The following EPHA7 variants were observed in gnomAD, a reference collection of about 807,000 sequenced individuals.
The protein encoded by EPHA7 is EPH receptor A7, also known as ephrin type-A receptor 7.
Under a neutral mutation model 112.6 loss-of-function variants are expected in EPHA7, and 25 were observed. The observed-to-expected ratio is 0.22, with a 90% CI of 0.16 to 0.31. The LOEUF (loss-of-function observed/expected upper bound fraction) is 0.31. Among genes scored for constraint, EPHA7 ranks in the 10% least tolerant of loss-of-function variants. The probability of loss-of-function intolerance (pLI) is 1.00; values close to 1 mark genes in which losing one functional copy is unlikely to be tolerated. For synonymous variants in EPHA7, 437 were observed against 406.5 expected (o/e 1.07, Z -0.90); for missense variants, 962 against 1,212.6 (o/e 0.79, Z 3.07).
At chr6:93,398,339 T>C (rs574148083) in intron 3 of EPHA7, among the ~76,000 whole-genome samples, 1 of 152,086 alleles carries the variant, frequency 6.6e-6, no homozygotes, top group Admixed American at 6.6e-5. Context: ...TCTGGAATTA[T>C]ACAAGTCACC....
At chr6:93,406,086 C>T (rs1018052395) in intron 3 of EPHA7, among the ~76,000 whole-genome samples, 6 of 150,208 alleles carry the variant, frequency 4.0e-5, no homozygotes, top group Non-Finnish European at 8.9e-5. Context: ...TTAACAGAAA[C>T]TATTAAAAAG....
At chr6:93,387,973 AGAT>A (rs1777711501) in intron 3 of EPHA7, among the ~76,000 whole-genome samples, 5 of 151,354 alleles carry the variant, frequency 3.3e-5, no homozygotes, top group South Asian at 4.2e-4. Flanking sequence ...ATAGATAGAT[AGAT>A]AGAATAGATA....
At chr6:93,361,209 C>T (rs566979258) in intron 3 of EPHA7, among the ~76,000 whole-genome samples, 3 of 152,022 alleles carry the variant, frequency 2.0e-5, no homozygotes, top group African/African-American at 7.2e-5. Context: ...AACATTTTTT[C>T]TTTGAAGTAA....
At chr6:93,299,328 A>AAAAATAAAAT (rs559885595) in intron 5 of EPHA7, among the ~76,000 whole-genome samples, 3 of 151,582 alleles carry the variant, frequency 2.0e-5, no homozygotes, top group Admixed American at 2.0e-4. Flanking sequence ...TCCGTCTCAA[A>AAAAATAAAAT]AAAATAAAAT....
In EPHA7 at chr6:93,411,091, T is replaced by C; in HGVS notation, c.242A>G (p.Gln81Arg). Residue 81 changes from glutamine to arginine, a missense_variant, in exon 3 of 17, where the codon CAA becomes CGA. By Grantham distance (43) the Gln-to-Arg change is conservative. This residue lies in a region of EPHA7 where 160 missense variants were observed against 263.6 expected (regional missense o/e 0.61). Transcript: ENST00000369303. Reference protein sequence around the residue: ...YQVCQVMEPNQNNWLRTNWIS... With the variant: ...YQVCQVMEPNRNNWLRTNWIS... ...CCAGTTAGTCCGCAGCCAGTTGTTT[T>C]GGTTGGGCTCCATGACTTGGCACAC... The C allele has an allele frequency of 1.2e-6, 2 of 1,613,892 alleles. No homozygotes were observed. Among genetic ancestry groups the C allele is most frequent in the Non-Finnish European group, 1.7e-6 (2 of 1,179,966 alleles).
intron 13 of EPHA7, among the ~76,000 whole-genome samples, chr6:93,255,557 T>C (rs538483747): frequency 6.6e-6 from 1 of 152,194 alleles, no homozygotes; most frequent in African/African-American, 2.4e-5. Context: ...TGAGTGCTAG[T>C]AGCTAGATGT....
intron 1 of EPHA7, 98 bp from the exon 2 acceptor site, chr6:93,414,865 T>C (rs1451023964): frequency 1.1e-6 from 1 of 904,430 alleles, no homozygotes; most frequent in Non-Finnish European, 1.7e-6. Context: ...TATCACTATA[T>C]GACTTAAGAT....
At chr6:93,346,132 G>A (rs778281168) in intron 5 of EPHA7, among the ~76,000 whole-genome samples, 1 of 151,520 alleles carries the variant, frequency 6.6e-6, no homozygotes, top group East Asian at 1.9e-4. Flanking sequence ...TTGGGATTGG[G>A]GGAAAACCTA....
chr6:93,340,017 C>G (rs1271211373), intron 5 of EPHA7, among the ~76,000 whole-genome samples: 2 of 151,636 alleles, frequency 1.3e-5, no homozygotes, highest in African/African-American at 4.8e-5. Flanking sequence ...TCTCATGATT[C>G]CTAGGTTCCA....
chr6:93,401,546 A>G (rs1188623453), intron 3 of EPHA7, among the ~76,000 whole-genome samples: 1 of 152,102 alleles, frequency 6.6e-6, no homozygotes, highest in African/African-American at 2.4e-5. Flanking sequence ...AATAACATCT[A>G]TAACTCATTA....
At chr6:93,257,413 G>A in intron 12 of EPHA7, 49 bp downstream of exon 12, 1 of 1,369,046 alleles carries the variant, frequency 7.3e-7, no homozygotes, top group South Asian at 1.3e-5. Context: ...AAATTATATT[G>A]GTAGCAAGCA....
At chr6:93,369,018 C>T (rs879451362) in intron 3 of EPHA7, among the ~76,000 whole-genome samples, 3 of 151,648 alleles carry the variant, frequency 2.0e-5, no homozygotes, top group East Asian at 1.9e-4. Context: ...TAAATGGATG[C>T]GTCAGGACAA....
intron 5 of EPHA7, among the ~76,000 whole-genome samples, chr6:93,295,979 T>A (rs1000671636): frequency 1.3e-5 from 2 of 151,866 alleles, no homozygotes; most frequent in Non-Finnish European, 2.9e-5. Flanking sequence ...TATATCATAT[T>A]CATATTTAAT....
chr6:93,373,158 A>G (rs1463067060), intron 3 of EPHA7, among the ~76,000 whole-genome samples: 1 of 151,918 alleles, frequency 6.6e-6, no homozygotes. Context: ...TTATAGTAAT[A>G]TATCTTTGGA....
rs150351784 is a variant in EPHA7, at chr6:93,362,291, A to G, written c.833-3880T>C. Among the ~76,000 whole-genome samples the G allele has an allele frequency of 2.6e-3, 394 of 152,192 alleles. 4 individuals carry two copies. The highest frequency in any genetic ancestry group is 9.1e-3 in the African/African-American group (380 of 41,564). On this transcript the variant is annotated intron_variant, in intron 3 of 16. Transcript: ENST00000369303. ...GAGTAATAGTATTATTTACTGCAAT[A>G]TATCTACTAAATTATATTACAACAC...
intron 5 of EPHA7, among the ~76,000 whole-genome samples, chr6:93,321,940 G>A (rs1447814004): frequency 1.3e-5 from 2 of 151,734 alleles, no homozygotes; most frequent in Non-Finnish European, 2.9e-5. Context: ...GTACGACCTT[G>A]GGTTATTCAA....
chr6:93,414,122 T>C (rs968694783), intron 2 of EPHA7, among the ~76,000 whole-genome samples: 4 of 151,938 alleles, frequency 2.6e-5, no homozygotes, highest in Admixed American at 1.3e-4. Flanking sequence ...CAGATTTTTA[T>C]TGTAATATGT....
At position 93,272,345 on chromosome 6, in the gene EPHA7, G is replaced by A; in HGVS notation, c.1402C>T (p.His468Tyr). The A allele has an allele frequency of 6.8e-6, 11 of 1,612,156 alleles. No homozygotes were observed. The highest frequency in any genetic ancestry group is 9.3e-6 in the Non-Finnish European group (11 of 1,178,668). ...TATTCTGTGATGACTCCATTGGGAT[G>A]CTCTGGTTCCTGCCAGGAAAGCTCG... ...SVELSWQEPE[H>Y]PNGVITEYEI... The change falls in exon 6 of 17, where the codon CAT becomes TAT. Residue 468 changes from histidine to tyrosine, a missense_variant. This residue lies in a region of EPHA7 where 746 missense variants were observed against 889.2 expected (regional missense o/e 0.84). Transcript: ENST00000369303.
chr6:93,306,002 T>A (rs1773238579), intron 5 of EPHA7, among the ~76,000 whole-genome samples: 1 of 151,896 alleles, frequency 6.6e-6, no homozygotes, highest in South Asian at 2.1e-4. Context: ...TTTATTTTGG[T>A]CTAAAAAGCA....
Sources: gnomAD v4.1 joint callset for allele counts (sites outside exome capture counted in the v4.1 genomes callset) on GRCh38, gnomAD v4.1.1 for gene constraint, gnomAD v4.1.1 regional missense constraint, MANE v1.5 for transcripts, NCBI Gene and HGNC (gene_info 2026-07-23, HGNC 2026-07-21) for gene names.